The following HDAC4 variants were observed in gnomAD, a reference collection of about 807,000 sequenced individuals.
The protein encoded by HDAC4 is histone deacetylase 4.
A neutral mutation model predicts 135.1 loss-of-function variants in HDAC4; 16 were observed. The ratio of observed to expected loss-of-function variants is 0.12; its 90% CI spans 0.08 to 0.18. The LOEUF (loss-of-function observed/expected upper bound fraction) is 0.18, where lower values mean the gene tolerates loss of function less well. Among genes scored for constraint, HDAC4 ranks in the 10% least tolerant of loss-of-function variants. The pLI is 1.00. For synonymous variants in HDAC4, 685 were observed against 653.4 expected, an observed-to-expected ratio of 1.05 and a Z score of -0.74; for missense variants, 1,143 against 1,511.8, an observed-to-expected ratio of 0.76 and a Z score of 4.05.
intron 3 of HDAC4, chr2:239,190,846 C>T (rs2044892818): frequency 2.4e-6 from 1 of 408,500 alleles, no homozygotes; most frequent in African/African-American, 2.1e-5. Flanking sequence ...CAATCAATAC[C>T]AAATGAAAGT....
At chr2:239,118,095 C>T (rs1459328334) in intron 12 of HDAC4, among the ~76,000 whole-genome samples, 3 of 152,268 alleles carry the variant, frequency 2.0e-5, no homozygotes, top group Admixed American at 1.3e-4. Flanking sequence ...AGGGCTGAGA[C>T]GCAGACTCAC....
At chr2:239,397,210 G>C (rs780016740) in intron 1 of HDAC4, among the ~76,000 whole-genome samples, 53 of 152,248 alleles carry the variant, frequency 3.5e-4, no homozygotes, top group Non-Finnish European at 5.4e-4. Flanking sequence ...TAGAAGCAGA[G>C]GCACGGAGAG....
chr2:239,222,051 A>G (rs1049049226), intron 3 of HDAC4, among the ~76,000 whole-genome samples: 1 of 152,214 alleles, frequency 6.6e-6, no homozygotes, highest in African/African-American at 2.4e-5. Flanking sequence ...ACTTGCTGCC[A>G]TAAGGGGCTC....
At chr2:239,080,848 CCCAAAGTGAGCT>C (rs2035247403) in intron 22 of HDAC4, 2 of 566,302 alleles carry the variant, frequency 3.5e-6, no homozygotes, top group African/African-American at 3.7e-5. Context: ...TCACCATCGA[CCCAAAGTGAGCT>C]CCTGGTTTTA....
chr2:239,332,633 GA>G (rs919309617), intron 2 of HDAC4, among the ~76,000 whole-genome samples: 454 of 141,180 alleles, frequency 3.2e-3, no homozygotes, highest in Middle Eastern at 0.011. Context: ...AAGAAAGTCT[GA>G]AAAAAAAAAA....
intron 1 of HDAC4, among the ~76,000 whole-genome samples, chr2:239,391,651 T>G (rs1429738543): frequency 6.6e-6 from 1 of 152,134 alleles, no homozygotes; most frequent in Non-Finnish European, 1.5e-5. Context: ...CAACCGATGC[T>G]CACTCAACAC....
At chr2:239,225,482 G>C (rs936078508) in intron 3 of HDAC4, among the ~76,000 whole-genome samples, 1 of 152,244 alleles carries the variant, frequency 6.6e-6, no homozygotes, top group African/African-American at 2.4e-5. Context: ...GTAAAGCATA[G>C]CTGGACTCCC....
At chr2:239,158,184 G>A (rs1368695814) in intron 6 of HDAC4, among the ~76,000 whole-genome samples, 2 of 152,166 alleles carry the variant, frequency 1.3e-5, no homozygotes, top group East Asian at 3.9e-4. Context: ...GAAAAGGTCT[G>A]GGGGCAACAC....
intron 23 of HDAC4, among the ~76,000 whole-genome samples, chr2:239,067,229 T>C (rs1425726036): frequency 6.6e-6 from 1 of 152,082 alleles, no homozygotes; most frequent in Non-Finnish European, 1.5e-5. Flanking sequence ...GCTCCAAACA[T>C]GTATGTGTAC....
chr2:239,378,231 C>A (rs774454204), intron 1 of HDAC4, among the ~76,000 whole-genome samples: 3 of 152,102 alleles, frequency 2.0e-5, no homozygotes, highest in Non-Finnish European at 4.4e-5. Flanking sequence ...AGCTTGGGGA[C>A]TTCCTTCCTT....
chr2:239,084,368 GA>G, intron 19 of HDAC4, 126 bp from the exon 20 acceptor site: 1 of 709,160 alleles, frequency 1.4e-6, no homozygotes, highest in East Asian at 2.7e-5. Flanking sequence ...CAGAGCTCCT[GA>G]ATACGTCGCA....
chr2:239,098,793 C>A (rs1445058696), intron 16 of HDAC4, among the ~76,000 whole-genome samples: 1 of 152,236 alleles, frequency 6.6e-6, no homozygotes, highest in Non-Finnish European at 1.5e-5. Flanking sequence ...ATTACCATGT[C>A]TGAAATACTT....
chr2:239,332,343 A>G (rs1691643703), intron 2 of HDAC4, among the ~76,000 whole-genome samples: 1 of 152,258 alleles, frequency 6.6e-6, no homozygotes, highest in Non-Finnish European at 1.5e-5. Flanking sequence ...CATATAATCA[A>G]TAAAGCAAAA....
chr2:239,279,271 C>T (rs528558409), intron 2 of HDAC4, among the ~76,000 whole-genome samples: 48 of 152,346 alleles, frequency 3.2e-4, no homozygotes, highest in Non-Finnish European at 5.1e-4. Flanking sequence ...GAGATGCTCA[C>T]GTCTCTGAGC....
At chr2:239,329,489 CACACCCCTCCTCCCACCGGG>C (rs549579983) in intron 2 of HDAC4, among the ~76,000 whole-genome samples, 2 of 134,898 alleles carry the variant, frequency 1.5e-5, no homozygotes, top group Non-Finnish European at 3.2e-5. Context: ...CAGCTTTCTG[CACACCCCTCCTCCCACCGGG>C]ACACCCCTCC....
intron 2 of HDAC4, among the ~76,000 whole-genome samples, chr2:239,321,285 G>A (rs1464955413): frequency 1.3e-5 from 2 of 152,018 alleles, no homozygotes; most frequent in Non-Finnish European, 2.9e-5. Context: ...CTCACACGGT[G>A]AAACCCCGTC....
chr2:239,313,744 G>A lies in HDAC4; in HGVS notation c.22+38934C>T, dbSNP rs988083405. ...CTTCACGCCTGGCAATATGGCACAC[G>A]CACTTTTAGAGACGTCTAATTATAC... On this transcript the variant is annotated intron_variant, in intron 2 of 26. Coordinates refer to ENST00000543185, the MANE Select transcript of HDAC4 (RefSeq NM_001378414.1). The surrounding 1 kb of genome is among the most constrained non-coding windows in gnomAD (Gnocchi z 5.1). Among the ~76,000 whole-genome samples the A allele has an allele frequency of 1.3e-5, 2 of 152,186 alleles. No individual in the cohort carries two copies. The highest frequency in any genetic ancestry group is 2.1e-4 in the South Asian group (1 of 4,832).
chr2:239,219,574 TA>T (rs1553562780), intron 3 of HDAC4, among the ~76,000 whole-genome samples: 8 of 151,952 alleles, frequency 5.3e-5, no homozygotes, highest in Non-Finnish European at 1.0e-4. Context: ...CATATGTAAC[TA>T]ACCTGCACAT....
intron 4 of HDAC4, among the ~76,000 whole-genome samples, chr2:239,180,542 GT>G (rs1172877898): frequency 6.6e-6 from 1 of 152,200 alleles, no homozygotes; most frequent in African/African-American, 2.4e-5. Flanking sequence ...TGTCCACGAT[GT>G]TAAACGTAAC....
Sources: gnomAD v4.1 joint callset for allele counts (sites outside exome capture counted in the v4.1 genomes callset) on GRCh38, gnomAD v4.1.1 for gene constraint, Gnocchi (gnomAD v3.1) non-coding constraint, MANE v1.5 for transcripts, NCBI Gene and HGNC (gene_info 2026-07-23, HGNC 2026-07-21) for gene names.